The following FRAS1 variants were observed in gnomAD, a reference collection of about 807,000 sequenced individuals.
FRAS1 encodes Fraser extracellular matrix complex subunit 1, also known as extracellular matrix organizing protein FRAS1.
Under a neutral mutation model 435.2 loss-of-function variants are expected in FRAS1, and 290 were observed. That is an observed-to-expected ratio of 0.67 (90% confidence interval 0.61 to 0.73). FRAS1 has a LOEUF of 0.73. FRAS1 is among the 30% of genes least tolerant of loss of function. The pLI is 0.00. For missense variants in FRAS1, 4,860 were observed against 5,001.5 expected (o/e 0.97, Z 0.85); for synonymous variants, 1,800 against 1,851.0 (o/e 0.97, Z 0.71).
intron 33 of FRAS1, among the ~76,000 whole-genome samples, chr4:78,420,748 A>G (rs1369285213): frequency 1.3e-5 from 2 of 151,780 alleles, no homozygotes; most frequent in African/African-American, 4.8e-5. Flanking sequence ...AACTGAGAGA[A>G]TCTCATAATT....
intron 2 of FRAS1, among the ~76,000 whole-genome samples, chr4:78,104,888 A>C (rs1041862112): frequency 2.6e-5 from 4 of 152,212 alleles, no homozygotes; most frequent in African/African-American, 9.6e-5. Context: ...TTATATTGTT[A>C]TGATAGTTTT....
chr4:78,470,383 G>A (rs1395202807), intron 51 of FRAS1, among the ~76,000 whole-genome samples: 1 of 152,088 alleles, frequency 6.6e-6, no homozygotes, highest in African/African-American at 2.4e-5. Flanking sequence ...GGACGTAAGT[G>A]GGCAGTGCAG....
At chr4:78,491,189 C>T (rs1230110497) in intron 59 of FRAS1, among the ~76,000 whole-genome samples, 2 of 152,096 alleles carry the variant, frequency 1.3e-5, no homozygotes, top group Admixed American at 1.3e-4. Flanking sequence ...AAAAAAAGCC[C>T]AGGACCAGAC....
intron 2 of FRAS1, among the ~76,000 whole-genome samples, chr4:78,089,096 G>T (rs1282820372): frequency 1.3e-5 from 2 of 152,010 alleles, no homozygotes; most frequent in African/African-American, 2.4e-5. Flanking sequence ...ATACTATGCA[G>T]CCATAAAAAA....
chr4:78,143,981 C>CA lies in FRAS1; in HGVS notation c.108+77971dup, dbSNP rs909860758. Among the ~76,000 whole-genome samples, 4 of 148,284 alleles carry CA rather than the reference C, an allele frequency of 2.7e-5. No individual in the cohort carries two copies. In the East Asian group the frequency reaches 5.9e-4, roughly 22 times the overall value. ...GAGAAATTAAGCTAGAAATCAATCA[C>CA]AAAAAATACTTAAAAAATTTCCAAA... On this transcript the variant is annotated intron_variant, in intron 2 of 73. Coordinates refer to ENST00000512123, the MANE Select transcript of FRAS1 (RefSeq NM_025074.7).
chr4:78,289,938 T>A (rs116159432), intron 14 of FRAS1, among the ~76,000 whole-genome samples: 226 of 152,278 alleles, frequency 1.5e-3, no homozygotes, highest in Non-Finnish European at 2.5e-3. Flanking sequence ...TTCCATTGAG[T>A]CATCTTAAAA....
At chr4:78,265,700 T>C (rs1286382933) in intron 7 of FRAS1, among the ~76,000 whole-genome samples, 2 of 152,204 alleles carry the variant, frequency 1.3e-5, no homozygotes, top group African/African-American at 4.8e-5. Context: ...ATGTTCTGTC[T>C]TGGGAGTGCC....
chr4:78,526,847 A>T (rs2109898796), intron 70 of FRAS1, among the ~76,000 whole-genome samples, 190 bp downstream of exon 70: 1 of 152,274 alleles, frequency 6.6e-6, no homozygotes, highest in South Asian at 2.1e-4. Flanking sequence ...AAACCTGGTG[A>T]TACTCTGCCT....
rs1423190678 is a variant in FRAS1, at chr4:78,490,008, C to T, written c.8958+928C>T. Among the ~76,000 whole-genome samples the T allele has an allele frequency of 2.2e-5, 3 of 138,400 alleles. No homozygotes were observed. The East Asian group carries it at 6.7e-4, about 31-fold the overall frequency. The allele number at this position is 138,400 out of a possible 152,430, so 90.8% of individuals were successfully genotyped here. A position where few individuals can be genotyped will look rare whatever the true frequency, so the allele number is the denominator to read the frequency against. ...AAAAAGAAAAGCAGGGGTTGAAATCCTAGTCTCTGATAAAACAGACTTTAA... is the reference window on the plus strand; with the variant it reads ...AAAAAGAAAAGCAGGGGTTGAAATCTTAGTCTCTGATAAAACAGACTTTAA... On this transcript the variant is annotated intron_variant, in intron 59 of 73. Coordinates refer to ENST00000512123, the MANE Select transcript of FRAS1 (RefSeq NM_025074.7).
chr4:78,172,762 T>A (rs1403226015), intron 2 of FRAS1, among the ~76,000 whole-genome samples: 3 of 152,072 alleles, frequency 2.0e-5, no homozygotes, highest in Non-Finnish European at 4.4e-5. Flanking sequence ...CCATTTTTTT[T>A]TTACATCACC....
At chr4:78,407,592 G>T in intron 30 of FRAS1, 71 bp from the exon 31 acceptor site, 1 of 1,249,824 alleles carries the variant, frequency 8.0e-7, no homozygotes, top group South Asian at 1.6e-5. Flanking sequence ...AAAATGAGTA[G>T]TAGGAAAGGA....
chr4:78,334,121 T>C (rs928304675), intron 19 of FRAS1, among the ~76,000 whole-genome samples: 2 of 152,142 alleles, frequency 1.3e-5, no homozygotes, highest in African/African-American at 4.8e-5. Context: ...AAAGTTTATG[T>C]TTCTGATTAT....
intron 1 of FRAS1, among the ~76,000 whole-genome samples, chr4:78,060,854 A>AT (rs907905625): frequency 1.5e-4 from 22 of 149,984 alleles, no homozygotes; most frequent in South Asian, 4.2e-4. Context: ...TATTTTTATT[A>AT]TTTTTTTTTT....
chr4:78,266,994 C>T, intron 8 of FRAS1, 59 bp downstream of exon 8: 2 of 1,223,254 alleles, frequency 1.6e-6, no homozygotes, highest in Non-Finnish European at 1.2e-6. Flanking sequence ...TTAAGGAATG[C>T]ACTTCTTATT....
At chr4:78,486,020 G>A (rs951029680) in intron 58 of FRAS1, among the ~76,000 whole-genome samples, 4 of 152,150 alleles carry the variant, frequency 2.6e-5, no homozygotes, top group Admixed American at 2.0e-4. Flanking sequence ...CCTTTGCTGT[G>A]CTGGTACCTG....
rs142895137 is a variant in FRAS1 at position 78,347,913 on chromosome 4, A to T, written c.2422+10096A>T. Among the ~76,000 whole-genome samples, 14 of 152,088 alleles carry T rather than the reference A, an allele frequency of 9.2e-5. No homozygotes were observed. The East Asian group carries it at 2.5e-3, about 27-fold the overall frequency. ...GCTGACTTGCCATAAATGTTAATTGAAGTGAACTGTTTTCTTTTGTGGAGC... is the reference window on the plus strand; with the variant it reads ...GCTGACTTGCCATAAATGTTAATTGTAGTGAACTGTTTTCTTTTGTGGAGC... On this transcript the variant is annotated intron_variant, in intron 20 of 73. Transcript: ENST00000512123.
intron 2 of FRAS1, among the ~76,000 whole-genome samples, chr4:78,085,096 T>A (rs964540847): frequency 6.6e-6 from 1 of 151,896 alleles, no homozygotes; most frequent in Non-Finnish European, 1.5e-5. Flanking sequence ...TTTTGGGGAG[T>A]ATTCTTTTGT....
At chr4:78,302,564 G>A (rs7670941) in intron 14 of FRAS1, among the ~76,000 whole-genome samples, 41,121 of 151,814 alleles carry the variant, frequency 0.27, 6,420 homozygotes, top group Admixed American at 0.35. Flanking sequence ...GTGTGAGATG[G>A]TATCTCATTG....
At chr4:78,221,131 G>C (rs903834817) in intron 2 of FRAS1, among the ~76,000 whole-genome samples, 3 of 152,142 alleles carry the variant, frequency 2.0e-5, no homozygotes, top group African/African-American at 7.2e-5. Context: ...TCACGCCACT[G>C]CACTCCAGCC....
Sources: allele counts gnomAD v4.1 joint callset (sites outside exome capture counted in the v4.1 genomes callset), GRCh38; gene constraint gnomAD v4.1.1; transcripts MANE v1.5; gene names NCBI Gene and HGNC (gene_info 2026-07-23, HGNC 2026-07-21).